HEATR4: variants seen among roughly 807,000 people sequenced by gnomAD.
The protein encoded by HEATR4 is HEAT repeat-containing protein 4.
Under a neutral mutation model 108.8 loss-of-function variants are expected in HEATR4, and 95 were observed. The ratio of observed to expected loss-of-function variants is 0.87; its 90% CI spans 0.74 to 1.04. HEATR4 has a LOEUF of 1.04. Among genes scored for constraint, HEATR4 ranks in the 50% least tolerant of loss-of-function variants. The pLI is 0.00. For missense variants in HEATR4, 1,152 were observed against 1,253.8 expected (o/e 0.92, Z 1.23); for synonymous variants, 443 against 459.4 (o/e 0.96, Z 0.46).
At chr14:73,536,634 G>GT (rs1420205440) in intron 1 of HEATR4, among the ~76,000 whole-genome samples, 1 of 112,944 alleles carries the variant, frequency 8.9e-6, no homozygotes, top group Non-Finnish European at 1.9e-5. Context: ...CTCATCGCCT[G>GT]TAAATCCCAG....
intron 1 of HEATR4, chr14:73,537,116 C>A: frequency 3.9e-6 from 1 of 258,090 alleles, no homozygotes; most frequent in South Asian, 5.8e-5. Context: ...CCCGAGTAGC[C>A]GGGACGAACC....
chr14:73,518,684 T>C (rs1017093813), intron 5 of HEATR4, among the ~76,000 whole-genome samples: 1 of 152,078 alleles, frequency 6.6e-6, no homozygotes, highest in Admixed American at 6.6e-5. Flanking sequence ...GAATGCTGGG[T>C]CAGGAGTTTG....
intron 16 of HEATR4, chr14:73,493,369 A>G (rs1046373997): frequency 1.4e-5 from 6 of 437,742 alleles, no homozygotes; most frequent in African/African-American, 1.0e-4. Context: ...AACCTTAGAA[A>G]AGTTATTAAA....
At chr14:73,594,030 TG>T in the HEATR4 span, 1 of 757,786 alleles carries the variant, frequency 1.3e-6, no homozygotes, top group African/African-American at 1.7e-5. Flanking sequence ...GAGACTTCCT[TG>T]GCTTAAGGTG....
Position 73,522,317 on chromosome 14 carries a change from G to A in HEATR4, c.836C>T (p.Pro279Leu). ...CAGTTCTGGCTTCTTCTTTTCCTGT[G>A]GGGGCAGGATGACACTTTGATCCTC... ...EFEDQSVILPPQEKKKPELLL... is the reference protein window; with the variant it reads ...EFEDQSVILPLQEKKKPELLL... The change falls in exon 3 of 18, where the codon CCA becomes CTA. Residue 279 changes from proline (P) to leucine (L), a missense_variant. By Grantham distance (98) the Pro-to-Leu change is moderately conservative. Transcript: ENST00000553558. The A allele has an allele frequency of 5.6e-6, 9 of 1,614,182 alleles. No homozygotes were observed. Among genetic ancestry groups the A allele is most frequent in the Non-Finnish European group, 7.6e-6 (9 of 1,180,034 alleles).
the HEATR4 span, chr14:73,582,601 A>AT: frequency 6.6e-6 from 1 of 151,924 alleles, no homozygotes; most frequent in Non-Finnish European, 1.5e-5. Flanking sequence ...CATTTTGCTC[A>AT]TTATAATAGT....
the HEATR4 span, among the ~76,000 whole-genome samples, chr14:73,564,691 G>GT: frequency 8.0e-6 from 1 of 124,814 alleles, no homozygotes. Flanking sequence ...TTAGATGTGT[G>GT]TTTTTTAATT....
intron 1 of HEATR4, among the ~76,000 whole-genome samples, chr14:73,544,112 G>A (rs1487105035): frequency 1.7e-5 from 2 of 114,406 alleles, no homozygotes; most frequent in Non-Finnish European, 3.8e-5. Context: ...GGCCAACATG[G>A]TGAAACCCCA....
At chr14:73,493,041 T>A (rs199691358) in intron 17 of HEATR4, 25 bp downstream of exon 17, 1 of 1,602,466 alleles carries the variant, frequency 6.2e-7, no homozygotes, top group African/African-American at 1.4e-5. Context: ...CTTACCTTGA[T>A]AAGCATCAGT....
At chr14:73,613,255 G>A in the HEATR4 span, among the ~76,000 whole-genome samples, 1 of 152,162 alleles carries the variant, frequency 6.6e-6, no homozygotes, top group South Asian at 2.1e-4. Flanking sequence ...TCTCGCCTCA[G>A]CCTCCTGAGT....
upstream of HEATR4, among the ~76,000 whole-genome samples, chr14:73,560,211 C>T (rs368473697): frequency 1.9e-4 from 29 of 152,096 alleles, 1 homozygote; most frequent in Non-Finnish European, 3.5e-4. Context: ...GGCTCTGTCT[C>T]GTTGACCCAG....
chr14:73,593,073 T>G, the HEATR4 span, among the ~76,000 whole-genome samples: 2 of 152,230 alleles, frequency 1.3e-5, no homozygotes, highest in Non-Finnish European at 2.9e-5. Context: ...TAAGGCAGAA[T>G]GATGACAGTG....
At chr14:73,608,200 G>C in the HEATR4 span, among the ~76,000 whole-genome samples, 8 of 152,214 alleles carry the variant, frequency 5.3e-5, no homozygotes, top group African/African-American at 1.9e-4. Context: ...TGGGATTACA[G>C]GCATGAGCCA....
upstream of HEATR4, among the ~76,000 whole-genome samples, chr14:73,562,180 G>A (rs1889539371): frequency 6.6e-6 from 1 of 151,990 alleles, no homozygotes; most frequent in South Asian, 2.1e-4. Flanking sequence ...AGGAGTTATT[G>A]TTTAATGTTG....
intron 10 of HEATR4, among the ~76,000 whole-genome samples, chr14:73,505,527 G>C (rs913930823): frequency 2.0e-5 from 3 of 151,974 alleles, no homozygotes; most frequent in Non-Finnish European, 4.4e-5. Context: ...CTTCCAAGTA[G>C]CTAGGATTAC....
chr14:73,614,068 G>T, the HEATR4 span, among the ~76,000 whole-genome samples: 22 of 151,402 alleles, frequency 1.5e-4, no homozygotes, highest in African/African-American at 4.6e-4. Context: ...AGGCATGGTG[G>T]TGCATGCCTG....
At chr14:73,571,292 C>G in the HEATR4 span, 2 of 162,140 alleles carry the variant, frequency 1.2e-5, no homozygotes, top group Non-Finnish European at 2.7e-5. Flanking sequence ...AGCAAGTCCC[C>G]AAAGACCACG....
rs944763160 is a variant in HEATR4, at chr14:73,493,000, T to C, written c.2844+66A>G. The C allele has an allele frequency of 1.2e-5, 8 of 656,728 alleles. No individual in the cohort carries two copies. The highest frequency in any genetic ancestry group is 4.5e-5 in the Admixed American group (1 of 21,988). The allele number at this position is 656,728 out of a possible 1,614,324, so 40.7% of individuals were successfully genotyped here. On this transcript the variant is annotated intron_variant, in intron 17 of 17. Coordinates refer to ENST00000553558, the MANE Select transcript of HEATR4 (RefSeq NM_001220484.1). This position sits in a 1 kb window ranked among gnomAD's most constrained non-coding sequence, Gnocchi z 4.9. ...GTGATTCTCCGCTGCCACTGCTACCTTTTTTTTTTTTTTTTCCTTAAACTC... is the reference window on the plus strand; with the variant it reads ...GTGATTCTCCGCTGCCACTGCTACCCTTTTTTTTTTTTTTTCCTTAAACTC...
At chr14:73,486,980 G>C (rs1009219816) in intron 17 of HEATR4, among the ~76,000 whole-genome samples, 3 of 151,934 alleles carry the variant, frequency 2.0e-5, no homozygotes, top group Non-Finnish European at 2.9e-5. Flanking sequence ...AGAATGTCAA[G>C]TTCCTGGCCC....
Sources: allele counts gnomAD v4.1 joint callset (sites outside exome capture counted in the v4.1 genomes callset), GRCh38; gene constraint gnomAD v4.1.1; non-coding constraint Gnocchi (gnomAD v3.1); transcripts MANE v1.5; gene names NCBI Gene and HGNC (gene_info 2026-07-23, HGNC 2026-07-21).